The following ERC1 variants were observed in gnomAD, a reference collection of about 807,000 sequenced individuals.
The protein encoded by ERC1 is ELKS/RAB6-interacting/CAST family member 1.
ERC1 carries 56 observed loss-of-function variants against 132.0 expected under a neutral mutation model. The ratio of observed to expected loss-of-function variants is 0.42; its 90% CI spans 0.34 to 0.53. The LOEUF is 0.53. Ranked by LOEUF, ERC1 falls within the 20% of genes least tolerant of loss-of-function variation. ERC1 has a pLI of 0.03. For missense variants in ERC1, 1,202 were observed against 1,349.9 expected (o/e 0.89, Z 1.72); for synonymous variants, 478 against 476.1 (o/e 1.00, Z -0.05).
chr12:1,137,962 TATA>T (rs1283506461), intron 7 of ERC1, among the ~76,000 whole-genome samples: 39 of 131,082 alleles, frequency 3.0e-4, no homozygotes, highest in South Asian at 4.7e-4. Flanking sequence ...ATAAATTAGA[TATA>T]ATATTATCAT....
intron 3 of ERC1, among the ~76,000 whole-genome samples, chr12:1,091,787 G>T (rs1352292406): frequency 1.3e-5 from 2 of 152,190 alleles, no homozygotes; most frequent in Non-Finnish European, 2.9e-5. Flanking sequence ...AAGGAGAGAA[G>T]AGTGAACAAG....
chr12:1,220,450 T>C (rs1471320911), intron 12 of ERC1, among the ~76,000 whole-genome samples: 1 of 152,196 alleles, frequency 6.6e-6, no homozygotes, highest in Non-Finnish European at 1.5e-5. Context: ...TGCATGCTAG[T>C]TTTAAATTAT....
chr12:995,931 C>T (rs1960741365), intron 1 of ERC1, among the ~76,000 whole-genome samples: 1 of 152,042 alleles, frequency 6.6e-6, no homozygotes. Context: ...AAGGAGGGAA[C>T]GGTCAGCGGT....
rs1045170279 is a variant in ERC1 at position 1,492,091 on chromosome 12, T to C, written c.*1861T>C. ...ACATGGTCAGATTTCCAGCTCCCCC[T>C]ACTCCCTGCTGTGAAACAATCCCTC... On this transcript the variant is annotated 3_prime_UTR_variant, in exon 19 of 19. Transcript: ENST00000360905. The C allele has an allele frequency of 4.7e-5, 11 of 232,832 alleles. No individual in the cohort carries two copies. The highest frequency in any genetic ancestry group is 2.0e-4 in the African/African-American group (9 of 45,330). The allele number at this position is 232,832 out of a possible 1,614,324, so 14.4% of individuals were successfully genotyped here. A position where few individuals can be genotyped will look rare whatever the true frequency, so the allele number is the denominator to read the frequency against.
intron 18 of ERC1, among the ~76,000 whole-genome samples, chr12:1,471,776 G>T (rs2093866900): frequency 6.6e-6 from 1 of 152,222 alleles, no homozygotes; most frequent in African/African-American, 2.4e-5. Context: ...AGGTCTGACA[G>T]CTAGCAAGAC....
chr12:1,241,093 A>C (rs1431557612), intron 13 of ERC1, among the ~76,000 whole-genome samples: 4 of 152,168 alleles, frequency 2.6e-5, no homozygotes, highest in Non-Finnish European at 5.9e-5. Flanking sequence ...AAGTATATGA[A>C]GTGTTGTAGC....
intron 1 of ERC1, among the ~76,000 whole-genome samples, chr12:1,003,192 T>A (rs1962809379): frequency 6.6e-6 from 1 of 151,164 alleles, no homozygotes; most frequent in Admixed American, 6.6e-5. Context: ...TTAATTTGGG[T>A]AGAATTACTT....
intron 18 of ERC1, among the ~76,000 whole-genome samples, chr12:1,483,606 A>G (rs1282430398): frequency 1.3e-5 from 2 of 149,074 alleles, no homozygotes; most frequent in African/African-American, 4.9e-5. Context: ...TGCTTGTGCT[A>G]TAAACAGTAC....
chr12:1,376,995 A>AATG (rs2088011203), intron 16 of ERC1, among the ~76,000 whole-genome samples: 2 of 152,140 alleles, frequency 1.3e-5, no homozygotes, highest in African/African-American at 4.8e-5. Flanking sequence ...TGGTCTTGAG[A>AATG]ATGATCCCAT....
rs1162350336 is a variant in ERC1, at chr12:1,141,576, C to A, written c.1570-44C>A. On this transcript the variant is annotated intron_variant, in intron 7 of 18. Transcript: ENST00000360905. ...ATATCTATTTGAAAGGAATTACATT[C>A]TTTTCTTTTTAATTCATCACTTGTA... 3 of 1,509,824 alleles carry A rather than the reference C, an allele frequency of 2.0e-6. No homozygotes were observed. The African/African-American group carries it at 4.2e-5, about 21-fold the overall frequency. 93.5% of individuals were successfully genotyped at this position (1,509,824 alleles called of 1,614,324 possible). A position where few individuals can be genotyped will look rare whatever the true frequency, so the allele number is the denominator to read the frequency against.
At chr12:1,263,910 G>A (rs549665527) in intron 14 of ERC1, among the ~76,000 whole-genome samples, 9 of 151,616 alleles carry the variant, frequency 5.9e-5, no homozygotes, top group African/African-American at 1.7e-4. Context: ...GGCTGGTCTC[G>A]AACTCCTGAC....
chr12:1,424,854 A>ATAGATAGC (rs1565411376), intron 17 of ERC1, among the ~76,000 whole-genome samples: 1 of 125,150 alleles, frequency 8.0e-6, no homozygotes, highest in African/African-American at 3.7e-5. Context: ...TGATAGATAG[A>ATAGATAGC]TAGATAGATC....
At chr12:1,427,937 C>A (rs546371361) in intron 17 of ERC1, among the ~76,000 whole-genome samples, 1 of 152,136 alleles carries the variant, frequency 6.6e-6, no homozygotes, top group Non-Finnish European at 1.5e-5. Flanking sequence ...TTTAAGACAT[C>A]ATTTATAGTG....
At chr12:1,007,404 CAGTG>C (rs1323472286) in intron 1 of ERC1, among the ~76,000 whole-genome samples, 1 of 151,848 alleles carries the variant, frequency 6.6e-6, no homozygotes, top group African/African-American at 2.4e-5. Context: ...AAAGTAGTGA[CAGTG>C]GGGATAGAGA....
chr12:1,437,468 A>G (rs539139809), intron 17 of ERC1, among the ~76,000 whole-genome samples: 245 of 152,338 alleles, frequency 1.6e-3, no homozygotes, highest in African/African-American at 5.6e-3. Flanking sequence ...TAGCACATGG[A>G]GAGACACATA....
intron 12 of ERC1, among the ~76,000 whole-genome samples, chr12:1,208,651 C>CA (rs1331698200): frequency 6.6e-6 from 1 of 152,172 alleles, no homozygotes; most frequent in Non-Finnish European, 1.5e-5. Context: ...AAACTGCATG[C>CA]AGCTCTATCT....
rs573023324 is a variant in ERC1, at chr12:1,352,946, C to T, written c.2781-18887C>T. Among the ~76,000 whole-genome samples the T allele has an allele frequency of 2.6e-5, 4 of 151,672 alleles. No homozygotes were observed. The East Asian group carries it at 5.8e-4, about 22-fold the overall frequency. On this transcript the variant is annotated intron_variant, in intron 15 of 18. Coordinates refer to ENST00000360905, the MANE Select transcript of ERC1 (RefSeq NM_178040.4). ...AAAATATAGATGAGTGTGATTTAGG[C>T]ATGTATATTCAGTCAGATCTTTTAG...
chr12:1,213,458 C>T (rs940859058), intron 12 of ERC1, among the ~76,000 whole-genome samples: 10 of 151,862 alleles, frequency 6.6e-5, no homozygotes, highest in African/African-American at 2.4e-4. Flanking sequence ...GTTTTAAGAC[C>T]GGGTGCGGTG....
intron 17 of ERC1, among the ~76,000 whole-genome samples, chr12:1,427,385 AG>A (rs1320455390): frequency 2.6e-5 from 4 of 152,214 alleles, no homozygotes; most frequent in African/African-American, 9.6e-5. Context: ...GAAAAGAAAA[AG>A]AATCGTCCAT....
Sources: allele counts gnomAD v4.1 joint callset (sites outside exome capture counted in the v4.1 genomes callset), GRCh38; gene constraint gnomAD v4.1.1; transcripts MANE v1.5; gene names NCBI Gene and HGNC (gene_info 2026-07-23, HGNC 2026-07-21).